Variants in TAFA2 observed in about 807,000 individuals in gnomAD.
TAFA2 encodes the protein chemokine-like protein TAFA-2.
A neutral mutation model predicts 18.8 loss-of-function variants in TAFA2; 7 were observed. The ratio of observed to expected loss-of-function variants is 0.37; its 90% CI spans 0.21 to 0.70. The LOEUF (loss-of-function observed/expected upper bound fraction) is 0.70, where lower values mean the gene tolerates loss of function less well. Among genes scored for constraint, TAFA2 ranks in the 30% least tolerant of loss-of-function variants. The probability of loss-of-function intolerance (pLI) is 0.53; values close to 1 mark genes in which losing one functional copy is unlikely to be tolerated. For synonymous variants in TAFA2, 60 were observed against 54.2 expected (o/e 1.11, Z -0.47); for missense variants, 122 against 158.1 (o/e 0.77, Z 1.23).
At chr12:62,198,070 G>A (rs2062656142) in intron 1 of TAFA2, 1 of 152,096 alleles carries the variant, frequency 6.6e-6, no homozygotes, top group Admixed American at 6.5e-5. Flanking sequence ...CTGCTGTGGT[G>A]GAGAGCTTTT....
At chr12:61,939,781 G>A (rs1324305111) in intron 1 of TAFA2, among the ~76,000 whole-genome samples, 1 of 152,180 alleles carries the variant, frequency 6.6e-6, no homozygotes, top group Non-Finnish European at 1.5e-5. Flanking sequence ...CAAAGCACAA[G>A]TGCCAAAAAT....
intron 1 of TAFA2, among the ~76,000 whole-genome samples, chr12:62,079,887 C>T (rs971162545): frequency 1.3e-5 from 2 of 152,168 alleles, no homozygotes; most frequent in Non-Finnish European, 1.5e-5. Flanking sequence ...TCGCAAATTA[C>T]GACAAACTTG....
At chr12:61,723,103 T>C (rs1431308281) in intron 4 of TAFA2, among the ~76,000 whole-genome samples, 1 of 152,122 alleles carries the variant, frequency 6.6e-6, no homozygotes, top group African/African-American at 2.4e-5. Flanking sequence ...TTTGTGTTTG[T>C]TTTAGCTTTG....
intron 1 of TAFA2, among the ~76,000 whole-genome samples, chr12:62,176,089 T>C (rs1402596655): frequency 6.6e-6 from 1 of 152,180 alleles, no homozygotes; most frequent in Admixed American, 6.5e-5. Context: ...ACCATCATAT[T>C]ACACCATCAT....
At chr12:62,077,707 G>T (rs774164037) in intron 1 of TAFA2, among the ~76,000 whole-genome samples, 1 of 152,100 alleles carries the variant, frequency 6.6e-6, no homozygotes, top group Non-Finnish European at 1.5e-5. Flanking sequence ...GTATTTTCCA[G>T]TATTGCCTGT....
At chr12:62,052,369 T>C (rs1371310914) in intron 1 of TAFA2, among the ~76,000 whole-genome samples, 1 of 152,118 alleles carries the variant, frequency 6.6e-6, no homozygotes, top group Non-Finnish European at 1.5e-5. Flanking sequence ...ATTTTTTTGT[T>C]GTTGTACAGA....
intron 1 of TAFA2, among the ~76,000 whole-genome samples, chr12:62,098,341 C>G (rs962469376): frequency 6.6e-6 from 1 of 152,140 alleles, no homozygotes; most frequent in Non-Finnish European, 1.5e-5. Context: ...ATGACCAAGG[C>G]TGGCCAATCA....
intron 1 of TAFA2, chr12:62,251,973 T>C (rs557676943): frequency 6.6e-6 from 1 of 152,400 alleles, no homozygotes; most frequent in East Asian, 1.9e-4. Context: ...CCTTTATTTT[T>C]GCAAAAGTTT....
intron 1 of TAFA2, among the ~76,000 whole-genome samples, chr12:61,954,295 A>G (rs1355381240): frequency 1.3e-5 from 2 of 152,240 alleles, no homozygotes; most frequent in African/African-American, 4.8e-5. Context: ...ACTTAAGGCA[A>G]CTACAGAGCT....
chr12:62,127,864 C>A (rs549360358), intron 1 of TAFA2, among the ~76,000 whole-genome samples: 2 of 151,904 alleles, frequency 1.3e-5, no homozygotes, highest in East Asian at 3.9e-4. Flanking sequence ...AGAAAAATAC[C>A]AAGTACATAG....
chr12:61,745,822 T>C (rs1302294281), intron 4 of TAFA2, among the ~76,000 whole-genome samples: 1 of 151,902 alleles, frequency 6.6e-6, no homozygotes, highest in Non-Finnish European at 1.5e-5. Context: ...AATGTAATCA[T>C]CTGTACCCCG....
At chr12:62,207,850 G>C (rs1317378124) in intron 1 of TAFA2, among the ~76,000 whole-genome samples, 1 of 152,184 alleles carries the variant, frequency 6.6e-6, no homozygotes, top group African/African-American at 2.4e-5. Flanking sequence ...AGGTATGAAA[G>C]AGACACAGCA....
rs539355456 is a variant in TAFA2, at chr12:61,898,579, T to C, written c.-1-31153A>G. ...GGGCTTCCACCCCATGAAGCAACAC[T>C]CCAAGTGGTACCCTGGCCCCTTTTA... On this transcript the variant is annotated intron_variant, in intron 1 of 4. Coordinates refer to ENST00000416284, the MANE Select transcript of TAFA2 (RefSeq NM_178539.5). Among the ~76,000 whole-genome samples the C allele has an allele frequency of 3.3e-5, 5 of 152,180 alleles. No individual in the cohort carries two copies. The East Asian group carries it at 7.8e-4, about 24-fold the overall frequency.
chr12:61,830,204 T>C (rs902256296), intron 2 of TAFA2, among the ~76,000 whole-genome samples: 4 of 150,070 alleles, frequency 2.7e-5, no homozygotes, highest in African/African-American at 7.3e-5. Context: ...GTATATGGTA[T>C]GTATATGTAT....
At chr12:62,022,345 T>C (rs2136731740) in intron 1 of TAFA2, among the ~76,000 whole-genome samples, 1 of 152,326 alleles carries the variant, frequency 6.6e-6, no homozygotes, top group South Asian at 2.1e-4. Flanking sequence ...ATGGTGATCC[T>C]AGAAGAAATG....
intron 1 of TAFA2, among the ~76,000 whole-genome samples, chr12:61,970,216 A>G (rs1169316321): frequency 6.6e-6 from 1 of 151,688 alleles, no homozygotes; most frequent in Admixed American, 6.6e-5. Flanking sequence ...TTAATTAGCT[A>G]ATTGATAATG....
At chr12:62,162,164 T>C (rs1425684000) in intron 1 of TAFA2, among the ~76,000 whole-genome samples, 1 of 152,170 alleles carries the variant, frequency 6.6e-6, no homozygotes, top group African/African-American at 2.4e-5. Context: ...ATCTAAACTT[T>C]AGGGAAGATA....
At position 61,813,710 on chromosome 12, in the gene TAFA2, G is replaced by A. The variant is rs547190371; in HGVS notation, c.106+53610C>T. On this transcript the variant is annotated intron_variant, in intron 2 of 4. Coordinates refer to ENST00000416284, the MANE Select transcript of TAFA2 (RefSeq NM_178539.5). ...ACTACTAGTGTAATATAGAAATTAA[G>A]AATATGGACTCTACAGTCATACTTC... Among the ~76,000 whole-genome samples, 457 of 151,532 alleles carry A rather than the reference G, an allele frequency of 3.0e-3. 1 individual carries two copies. The highest frequency in any genetic ancestry group is 4.6e-3 in the Non-Finnish European group (316 of 68,010).
intron 4 of TAFA2, among the ~76,000 whole-genome samples, chr12:61,724,432 G>A (rs932450300): frequency 6.8e-6 from 1 of 147,410 alleles, no homozygotes; most frequent in Non-Finnish European, 1.5e-5. Context: ...GTGGTTTTTG[G>A]TTATGTGGAT....
Sources: allele counts gnomAD v4.1 joint callset (sites outside exome capture counted in the v4.1 genomes callset), GRCh38; gene constraint gnomAD v4.1.1; transcripts MANE v1.5; gene names NCBI Gene and HGNC (gene_info 2026-07-23, HGNC 2026-07-21).